The following PLEKHA7 variants were observed in gnomAD, a reference collection of about 807,000 sequenced individuals.
PLEKHA7 encodes pleckstrin homology domain containing A7.
Under a neutral mutation model 170.0 loss-of-function variants are expected in PLEKHA7, and 104 were observed. That is an observed-to-expected ratio of 0.61 (90% CI 0.52 to 0.72). The LOEUF is 0.72. Ranked by LOEUF, PLEKHA7 falls within the 30% of genes least tolerant of loss-of-function variation. PLEKHA7 has a pLI of 0.00. For synonymous variants in PLEKHA7, 648 were observed against 660.8 expected, an observed-to-expected ratio of 0.98 and a Z score of 0.30; for missense variants, 1,615 against 1,671.7, an observed-to-expected ratio of 0.97 and a Z score of 0.59.
chr11:16,957,044 T>C (rs138277395), intron 3 of PLEKHA7, among the ~76,000 whole-genome samples: 10 of 152,304 alleles, frequency 6.6e-5, no homozygotes, highest in Non-Finnish European at 1.3e-4. Flanking sequence ...ATTGTTCTGA[T>C]GGATGAGATA....
intron 3 of PLEKHA7, among the ~76,000 whole-genome samples, chr11:16,981,450 C>A (rs1253557345): frequency 6.6e-6 from 1 of 152,144 alleles, no homozygotes; most frequent in Non-Finnish European, 1.5e-5. Flanking sequence ...AAGAGAAGAG[C>A]TTCCTGGAAC....
chr11:16,795,628 T>C (rs1385351908), intron 17 of PLEKHA7, among the ~76,000 whole-genome samples: 1 of 151,522 alleles, frequency 6.6e-6, no homozygotes, highest in East Asian at 2.0e-4. Context: ...ATCTCTACTA[T>C]AAATACAAAA....
intron 23 of PLEKHA7, 111 bp downstream of exon 23, chr11:16,788,985 G>A: frequency 7.5e-7 from 1 of 1,338,350 alleles, no homozygotes; most frequent in Non-Finnish European, 1.0e-6. Context: ...GAACCATGTA[G>A]GTCAATGGAC....
intron 3 of PLEKHA7, among the ~76,000 whole-genome samples, chr11:16,877,950 G>C (rs1855429387): frequency 6.6e-6 from 1 of 152,158 alleles, no homozygotes; most frequent in African/African-American, 2.4e-5. Context: ...ATTAATGTTT[G>C]TTGAACCTAA....
intron 13 of PLEKHA7, among the ~76,000 whole-genome samples, chr11:16,803,730 G>A (rs1848760624): frequency 6.6e-6 from 1 of 152,094 alleles, no homozygotes; most frequent in East Asian, 1.9e-4. Context: ...AGACCCAGAG[G>A]AACAAACAAA....
intron 25 of PLEKHA7, 24 bp downstream of exon 25, chr11:16,783,676 A>T: frequency 7.2e-7 from 1 of 1,389,602 alleles, no homozygotes; most frequent in Admixed American, 3.0e-5. Flanking sequence ...TGACCTGCCA[A>T]CACTTGAGCA....
chr11:16,819,523 T>C (rs994283043), intron 10 of PLEKHA7, among the ~76,000 whole-genome samples: 1 of 152,200 alleles, frequency 6.6e-6, no homozygotes, highest in African/African-American at 2.4e-5. Context: ...AGGCTTGAGG[T>C]CAATTCTGAC....
chr11:16,863,581 C>T (rs1350721097), intron 4 of PLEKHA7, among the ~76,000 whole-genome samples: 4 of 152,168 alleles, frequency 2.6e-5, no homozygotes, highest in East Asian at 3.9e-4. Flanking sequence ...GCCTGGGGAT[C>T]GGTGTACACA....
intron 9 of PLEKHA7, among the ~76,000 whole-genome samples, chr11:16,829,336 G>T (rs1850920633): frequency 5.3e-5 from 8 of 152,040 alleles, no homozygotes; most frequent in Admixed American, 5.2e-4. Context: ...TTTTTCAGTT[G>T]TTAGAGTTTG....
chr11:16,963,186 A>AT (rs1463316707), intron 3 of PLEKHA7, among the ~76,000 whole-genome samples: 9 of 152,218 alleles, frequency 5.9e-5, no homozygotes, highest in Non-Finnish European at 1.3e-4. Flanking sequence ...AGGGATGGTG[A>AT]CATTAGAAAA....
chr11:16,799,005 C>T (rs968176031), intron 17 of PLEKHA7, among the ~76,000 whole-genome samples: 6 of 152,182 alleles, frequency 3.9e-5, no homozygotes, highest in African/African-American at 1.4e-4. Context: ...ACTGGCGCTG[C>T]CCAATACACC....
intron 3 of PLEKHA7, among the ~76,000 whole-genome samples, chr11:16,967,875 T>C (rs1253646113): frequency 6.6e-6 from 1 of 152,142 alleles, no homozygotes; most frequent in African/African-American, 2.4e-5. Flanking sequence ...TTCAGACCTT[T>C]CTTTAGACTA....
At chr11:16,896,199 T>C (rs1343149894) in intron 3 of PLEKHA7, among the ~76,000 whole-genome samples, 2 of 152,218 alleles carry the variant, frequency 1.3e-5, no homozygotes, top group East Asian at 1.9e-4. Context: ...CTAGGCACCA[T>C]TAAATCAACA....
At chr11:16,814,783 C>T (rs1849624837) in intron 12 of PLEKHA7, among the ~76,000 whole-genome samples, 1 of 152,186 alleles carries the variant, frequency 6.6e-6, no homozygotes. Context: ...CAGCAGGGCA[C>T]CATCCAGATA....
chr11:16,789,262 C>T lies in PLEKHA7; in HGVS notation c.3191G>A (p.Gly1064Glu). 3 of 1,613,704 alleles carry T rather than the reference C, an allele frequency of 1.9e-6. No individual in the cohort carries two copies. The highest frequency in any genetic ancestry group is 2.5e-6 in the Non-Finnish European group (3 of 1,180,038). The change falls in exon 23 of 27, where the codon GGG (glycine) becomes GAG (glutamate). Residue 1064 changes from glycine (G) to glutamate (E), a missense_variant. Transcript: ENST00000531066. The surrounding 1 kb of genome is among the most constrained non-coding windows in gnomAD (Gnocchi z 4.6). Reference protein sequence around the residue: ...PKSALERLYSGDHQRGKMSAE... With the variant: ...PKSALERLYSEDHQRGKMSAE... The stretch of plus-strand genomic sequence containing the variant: ...ACTCATCTTGCCTCGCTGGTGATCC[C>T]CTGAGTACAGGCGCTCCAAGGCACT...
At chr11:16,783,897 C>A in intron 24 of PLEKHA7, 64 bp from the exon 25 acceptor site, 4 of 1,339,462 alleles carry the variant, frequency 3.0e-6, no homozygotes, top group East Asian at 3.0e-5. Context: ...GACTCGCTTT[C>A]CCCACCTCTG....
intron 4 of PLEKHA7, among the ~76,000 whole-genome samples, chr11:16,856,257 C>T (rs561952849): frequency 1.3e-5 from 2 of 152,316 alleles, no homozygotes; most frequent in East Asian, 3.9e-4. Flanking sequence ...CACAGATGTG[C>T]CACTCTTCTC....
intron 3 of PLEKHA7, among the ~76,000 whole-genome samples, chr11:16,920,652 G>A (rs1464475143): frequency 6.6e-6 from 1 of 152,200 alleles, no homozygotes. Flanking sequence ...GGGACCTGGA[G>A]TCCAGTCTCT....
chr11:16,844,123 A>C (rs924194550), intron 8 of PLEKHA7, among the ~76,000 whole-genome samples: 2 of 152,236 alleles, frequency 1.3e-5, no homozygotes, highest in Admixed American at 1.3e-4. Flanking sequence ...ACTAGATACA[A>C]GCATAGGGAG....
Sources: gnomAD v4.1 joint callset for allele counts (sites outside exome capture counted in the v4.1 genomes callset) on GRCh38, gnomAD v4.1.1 for gene constraint, Gnocchi (gnomAD v3.1) non-coding constraint, MANE v1.5 for transcripts, NCBI Gene and HGNC (gene_info 2026-07-23, HGNC 2026-07-21) for gene names.